ROBO2: variants seen among roughly 807,000 people sequenced by gnomAD.
ROBO2 encodes the protein roundabout guidance receptor 2, also known as roundabout homolog 2.
A neutral mutation model predicts 160.8 loss-of-function variants in ROBO2; 53 were observed. The ratio of observed to expected loss-of-function variants is 0.33; its 90% CI spans 0.26 to 0.41. The LOEUF (loss-of-function observed/expected upper bound fraction) is 0.41. ROBO2 is among the 10% of genes least tolerant of loss of function. The probability of loss-of-function intolerance (pLI) is 1.00; values close to 1 mark genes in which losing one functional copy is unlikely to be tolerated. For missense variants in ROBO2, 1,577 were observed against 1,722.4 expected (o/e 0.92, Z 1.49); for synonymous variants, 664 against 611.7 (o/e 1.09, Z -1.26).
At chr3:76,679,725 CAT>C (rs1027074070) in intron 2 of ROBO2, among the ~76,000 whole-genome samples, 1 of 152,140 alleles carries the variant, frequency 6.6e-6, no homozygotes, top group Non-Finnish European at 1.5e-5. Flanking sequence ...CATTAGGTAA[CAT>C]ATAATTATGT....
chr3:76,161,751 T>C (rs2072648208), intron 2 of ROBO2, among the ~76,000 whole-genome samples: 1 of 152,196 alleles, frequency 6.6e-6, no homozygotes, highest in Non-Finnish European at 1.5e-5. Flanking sequence ...TGCTTGGTTC[T>C]TACTCTGTTG....
At chr3:76,865,606 A>G (rs2071284225) in intron 2 of ROBO2, among the ~76,000 whole-genome samples, 1 of 152,270 alleles carries the variant, frequency 6.6e-6, no homozygotes, top group Non-Finnish European at 1.5e-5. Flanking sequence ...CAAGGTCATA[A>G]CCAGATTTGT....
intron 2 of ROBO2, among the ~76,000 whole-genome samples, chr3:77,155,376 G>A (rs1370216735): frequency 2.6e-5 from 4 of 151,932 alleles, no homozygotes; most frequent in African/African-American, 9.7e-5. Context: ...GGGGGATAAG[G>A]GATCAGAGTC....
intron 2 of ROBO2, among the ~76,000 whole-genome samples, chr3:76,279,804 G>GTA (rs1708136237): frequency 6.6e-6 from 1 of 152,048 alleles, no homozygotes; most frequent in South Asian, 2.1e-4. Flanking sequence ...ACAAAAGTCT[G>GTA]TAAATTTGGC....
intron 2 of ROBO2, among the ~76,000 whole-genome samples, chr3:76,523,974 G>GTGTGTGTGTGTA (rs1276799426): frequency 1.6e-5 from 2 of 126,366 alleles, no homozygotes; most frequent in African/African-American, 5.1e-5. Flanking sequence ...AATATGCTGT[G>GTGTGTGTGTGTA]TGTGTGTGTG....
At chr3:76,982,816 G>T (rs2060164734) in intron 2 of ROBO2, among the ~76,000 whole-genome samples, 1 of 152,100 alleles carries the variant, frequency 6.6e-6, no homozygotes, top group Non-Finnish European at 1.5e-5. Flanking sequence ...GAATGAATGT[G>T]TTTTTGTTTC....
At chr3:76,532,821 A>G (rs1201353100) in intron 2 of ROBO2, among the ~76,000 whole-genome samples, 1 of 152,208 alleles carries the variant, frequency 6.6e-6, no homozygotes, top group African/African-American at 2.4e-5. Context: ...ATGCTACCCC[A>G]TGAACATCAT....
chr3:76,602,481 G>C (rs1163426409), intron 2 of ROBO2, among the ~76,000 whole-genome samples: 1 of 152,216 alleles, frequency 6.6e-6, no homozygotes, highest in Non-Finnish European at 1.5e-5. Context: ...CCACGTGGTG[G>C]GGGAGGCCTC....
chr3:77,632,926 C>T lies in ROBO2; in HGVS notation c.3761-1944C>T, dbSNP rs576787363. The T allele has an allele frequency of 4.1e-4, 111 of 270,456 alleles. 1 individual carries two copies. The highest frequency in any genetic ancestry group is 8.1e-4 in the South Asian group (5 of 6,204). The allele number at this position is 270,456 out of a possible 1,614,324, so 16.8% of individuals were successfully genotyped here. On this transcript the variant is annotated intron_variant, in intron 23 of 25. Coordinates refer to ENST00000461745, the Ensembl canonical transcript of ROBO2. ...TGGAATATGCTTCCTTTTTATATTA[C>T]GGCAAAGCAGCAACTAAGATTGCCA...
At chr3:76,542,355 A>G (rs1441417394) in intron 2 of ROBO2, among the ~76,000 whole-genome samples, 4 of 152,142 alleles carry the variant, frequency 2.6e-5, no homozygotes, top group Admixed American at 1.3e-4. Flanking sequence ...TCCTTTCTCT[A>G]TCCGCACCCC....
At chr3:76,312,177 G>C (rs2071637366) in intron 2 of ROBO2, among the ~76,000 whole-genome samples, 1 of 152,114 alleles carries the variant, frequency 6.6e-6, no homozygotes, top group Non-Finnish European at 1.5e-5. Flanking sequence ...GACACTGTTT[G>C]TATGTTTGGA....
chr3:76,377,608 C>T (rs1224923702), intron 2 of ROBO2, among the ~76,000 whole-genome samples: 1 of 152,090 alleles, frequency 6.6e-6, no homozygotes, highest in Non-Finnish European at 1.5e-5. Context: ...TTTTTATTTT[C>T]TCCTCTTTAC....
At chr3:76,671,775 T>G (rs1177101308) in intron 2 of ROBO2, among the ~76,000 whole-genome samples, 1 of 152,094 alleles carries the variant, frequency 6.6e-6, no homozygotes, top group Non-Finnish European at 1.5e-5. Context: ...TGCAGATATT[T>G]AAAGGCCTAC....
At chr3:77,634,892 A>T in exon 24 of ROBO2, 1 of 1,614,072 alleles carries the variant, frequency 6.2e-7, no homozygotes, top group Non-Finnish European at 8.5e-7. Context: ...CCTCCTCTCA[A>T]AGACCTCGAC....
intron 16 of ROBO2, among the ~76,000 whole-genome samples, chr3:77,583,291 G>A (rs1458167687): frequency 1.3e-5 from 2 of 151,512 alleles, no homozygotes; most frequent in African/African-American, 2.4e-5. Context: ...AAAGTTATCT[G>A]TAGGTACAAA....
chr3:76,382,448 C>A (rs2076679358), intron 2 of ROBO2, among the ~76,000 whole-genome samples: 1 of 152,032 alleles, frequency 6.6e-6, no homozygotes, highest in Admixed American at 6.5e-5. Context: ...ATTATCCGGG[C>A]GCGGTGGCGG....
At chr3:76,834,850 A>G (rs1375752743) in intron 2 of ROBO2, among the ~76,000 whole-genome samples, 9 of 152,158 alleles carry the variant, frequency 5.9e-5, no homozygotes, top group Non-Finnish European at 7.3e-5. Context: ...CATTCTTTAA[A>G]TTCTTGAGGC....
At chr3:77,402,433 T>C (rs2075886373) in intron 2 of ROBO2, among the ~76,000 whole-genome samples, 1 of 151,566 alleles carries the variant, frequency 6.6e-6, no homozygotes. Context: ...TAAAGTATAA[T>C]AAAAAAAATT....
chr3:77,020,398 A>G (rs970821610), intron 2 of ROBO2, among the ~76,000 whole-genome samples: 1 of 152,198 alleles, frequency 6.6e-6, no homozygotes, highest in African/African-American at 2.4e-5. Flanking sequence ...ACATTTTTGC[A>G]ATGCATGTTA....
Sources: gnomAD v4.1 joint callset for allele counts (sites outside exome capture counted in the v4.1 genomes callset) on GRCh38, gnomAD v4.1.1 for gene constraint, MANE v1.5 for transcripts, NCBI Gene and HGNC (gene_info 2026-07-23, HGNC 2026-07-21) for gene names.